MYO9A: variants seen among roughly 807,000 people sequenced by gnomAD.
MYO9A encodes the protein myosin IXA.
A neutral mutation model predicts 293.3 loss-of-function variants in MYO9A; 103 were observed. The observed-to-expected ratio is 0.35, with a 90% CI of 0.30 to 0.41. MYO9A has a LOEUF of 0.41. Ranked by LOEUF, MYO9A falls within the 10% of genes least tolerant of loss-of-function variation. The pLI is 1.00. For synonymous variants in MYO9A, 1,001 were observed against 1,035.7 expected (o/e 0.97, Z 0.64); for missense variants, 2,685 against 3,033.0 (o/e 0.89, Z 2.69).
intron 2 of MYO9A, chr15:72,040,181 C>G (rs148576372): frequency 1.6e-4 from 24 of 152,766 alleles, no homozygotes; most frequent in African/African-American, 5.3e-4. Context: ...GTAGATAGGC[C>G]TCTAGGAAGA....
chr15:72,069,042 C>T (rs2079103408), intron 1 of MYO9A, among the ~76,000 whole-genome samples: 1 of 152,204 alleles, frequency 6.6e-6, no homozygotes, highest in Non-Finnish European at 1.5e-5. Context: ...AGCAGTCCAG[C>T]CCTAGAATCT....
Position 71,823,505 on chromosome 15 carries a change from C to CT in MYO9A, c.*3074dup, listed in dbSNP as rs966600208. On this transcript the variant is annotated 3_prime_UTR_variant, in exon 42 of 42. Coordinates refer to ENST00000356056, the MANE Select transcript of MYO9A (RefSeq NM_006901.4). ...CTCATAGTTGGAGGGCTGTATCTCC[C>CT]TTTGTGTTTTCAGAAGCCCAGAGTG... 6.6e-6 allele frequency: 1 copy of CT among 152,176 alleles called. No individual in the cohort carries two copies. Among genetic ancestry groups the CT allele is most frequent in the Non-Finnish European group, 1.5e-5 (1 of 68,044 alleles). The allele number at this position is 152,176 out of a possible 1,614,324, so 9.4% of individuals were successfully genotyped here.
intron 15 of MYO9A, among the ~76,000 whole-genome samples, chr15:71,946,977 C>G (rs2058932204): frequency 6.6e-6 from 1 of 152,046 alleles, no homozygotes; most frequent in Non-Finnish European, 1.5e-5. Context: ...ATTAGCAGGG[C>G]ATGGTGGCAT....
chr15:71,898,382 A>T lies in MYO9A; in HGVS notation c.4121T>A (p.Leu1374His). ...SPKFDSRDNA[L>H]SASNETSSAE... ...ACTGCTAGTCTCATTTGAGGCACTG[A>T]GGGCATTGTCCCGTGAATCAAATTT... Residue 1374 changes from leucine to histidine, a missense_variant, in exon 25 of 42, where the codon CTC becomes CAC. Around this residue, in one of 10 missense-constraint regions of MYO9A, gnomAD observed 1,434 missense variants for 1,497.7 expected, o/e 0.96. Transcript: ENST00000356056. 6.2e-7 allele frequency: 1 copy of T among 1,613,584 alleles called. No individual in the cohort carries two copies. Among genetic ancestry groups the T allele is most frequent in the Non-Finnish European group, 8.5e-7 (1 of 1,180,006 alleles).
At chr15:71,977,703 T>C (rs1294947168) in intron 12 of MYO9A, among the ~76,000 whole-genome samples, 1 of 151,824 alleles carries the variant, frequency 6.6e-6, no homozygotes, top group African/African-American at 2.4e-5. Flanking sequence ...TGAATTCAAG[T>C]AATGAAGCCC....
intron 39 of MYO9A, among the ~76,000 whole-genome samples, chr15:71,833,230 T>G (rs1297534864): frequency 6.6e-6 from 1 of 151,760 alleles, no homozygotes; most frequent in African/African-American, 2.4e-5. Flanking sequence ...AAAGAAAACC[T>G]ATCTATATGA....
intron 2 of MYO9A, among the ~76,000 whole-genome samples, chr15:72,040,928 A>G (rs2078208516): frequency 6.6e-6 from 1 of 152,228 alleles, no homozygotes; most frequent in Admixed American, 6.5e-5. Context: ...TAAATATATT[A>G]GAAAAGAATG....
intron 18 of MYO9A, among the ~76,000 whole-genome samples, chr15:71,920,787 G>GA (rs1024023898): frequency 5.1e-4 from 75 of 146,060 alleles, no homozygotes; most frequent in South Asian, 2.0e-3. Flanking sequence ...GTCTCTAGTG[G>GA]AAAAAAAAAA....
chr15:72,055,342 G>C (rs927501665), intron 1 of MYO9A, among the ~76,000 whole-genome samples: 1 of 152,106 alleles, frequency 6.6e-6, no homozygotes, highest in African/African-American at 2.4e-5. Context: ...AATGGATCAA[G>C]GACTTAAATC....
chr15:72,045,541 C>A (rs1029559835), intron 2 of MYO9A, among the ~76,000 whole-genome samples, 183 bp downstream of exon 2: 3 of 152,168 alleles, frequency 2.0e-5, no homozygotes, highest in Non-Finnish European at 2.9e-5. Context: ...GCTGGGATTA[C>A]AGGCATGAGC....
chr15:72,090,095 G>A (rs1247995425), intron 1 of MYO9A, among the ~76,000 whole-genome samples: 1 of 152,176 alleles, frequency 6.6e-6, no homozygotes, highest in Non-Finnish European at 1.5e-5. Context: ...ATTAGAATTA[G>A]ATAGGTAGCA....
At chr15:71,955,408 C>T (rs566583618) in intron 14 of MYO9A, among the ~76,000 whole-genome samples, 7 of 152,144 alleles carry the variant, frequency 4.6e-5, no homozygotes, top group African/African-American at 9.7e-5. Flanking sequence ...GGATTACAGG[C>T]GTGAGCCACT....
chr15:71,922,015 T>C (rs1472073713), intron 18 of MYO9A, among the ~76,000 whole-genome samples: 1 of 152,144 alleles, frequency 6.6e-6, no homozygotes, highest in Non-Finnish European at 1.5e-5. Context: ...TCTCACTCTG[T>C]CGTCCAAGCT....
At chr15:71,897,421 A>T (rs777958680) in intron 25 of MYO9A, 40 bp downstream of exon 25, 1 of 1,535,908 alleles carries the variant, frequency 6.5e-7, no homozygotes, top group Non-Finnish European at 8.8e-7. Context: ...AAATACTCCA[A>T]GAAGTTTCCC....
chr15:71,956,330 A>ATATATATATATATATATATATATATAT (rs1555490831), intron 14 of MYO9A, among the ~76,000 whole-genome samples: 6 of 75,578 alleles, frequency 7.9e-5, no homozygotes, highest in South Asian at 4.9e-4. Context: ...AAAAAAAAAA[A>ATATATATATATATATATATATATATAT]ATATATATAT....
chr15:72,109,462 C>T (rs2080698493), intron 1 of MYO9A, among the ~76,000 whole-genome samples: 2 of 151,804 alleles, frequency 1.3e-5, no homozygotes, highest in Non-Finnish European at 2.9e-5. Context: ...ATAACGCTAT[C>T]TTTTGAATCT....
At chr15:72,027,849 A>T in intron 3 of MYO9A, 56 bp from the exon 4 acceptor site, 1 of 1,241,224 alleles carries the variant, frequency 8.1e-7, no homozygotes, top group Non-Finnish European at 1.2e-6. Context: ...ATAAGGCAGA[A>T]AAATATTTGG....
intron 16 of MYO9A, among the ~76,000 whole-genome samples, chr15:71,937,809 G>A (rs1349005075): frequency 6.6e-6 from 1 of 152,080 alleles, no homozygotes; most frequent in African/African-American, 2.4e-5. Context: ...ATATAATCAA[G>A]AAAATTGGGT....
At chr15:72,061,850 T>C (rs941392221) in intron 1 of MYO9A, among the ~76,000 whole-genome samples, 1 of 152,014 alleles carries the variant, frequency 6.6e-6, no homozygotes, top group Non-Finnish European at 1.5e-5. Context: ...CAAACATCAA[T>C]AGTAGCCAGG....
Sources: gnomAD v4.1 joint callset for allele counts (sites outside exome capture counted in the v4.1 genomes callset) on GRCh38, gnomAD v4.1.1 for gene constraint, gnomAD v4.1.1 regional missense constraint, MANE v1.5 for transcripts, NCBI Gene and HGNC (gene_info 2026-07-23, HGNC 2026-07-21) for gene names.